Variants in BCKDHB observed in about 807,000 individuals in gnomAD.
The protein encoded by BCKDHB is 2-oxoisovalerate dehydrogenase subunit beta, mitochondrial.
In BCKDHB, 41 loss-of-function variants were observed where a neutral mutation model predicts 48.5. The ratio of observed to expected loss-of-function variants is 0.85; its 90% CI spans 0.66 to 1.10. BCKDHB has a LOEUF of 1.10. Among genes scored for constraint, BCKDHB ranks in the 50% least tolerant of loss-of-function variants. The pLI is 0.00. For synonymous variants in BCKDHB, 201 were observed against 174.8 expected, an observed-to-expected ratio of 1.15 and a Z score of -1.18; for missense variants, 496 against 494.2, an observed-to-expected ratio of 1.00 and a Z score of -0.03.
At chr6:80,354,046 T>A in the BCKDHB span, among the ~76,000 whole-genome samples, 919 of 152,218 alleles carry the variant, frequency 6.0e-3, 10 homozygotes, top group African/African-American at 0.021. Context: ...TTTTTTGTAT[T>A]TGTTGAATTG....
intron 9 of BCKDHB, among the ~76,000 whole-genome samples, chr6:80,283,864 G>A (rs1766494281): frequency 6.6e-6 from 1 of 152,056 alleles, no homozygotes; most frequent in Admixed American, 6.6e-5. Context: ...ATACATGAAA[G>A]ACAGCAGATA....
intron 8 of BCKDHB, among the ~76,000 whole-genome samples, chr6:80,247,619 A>C (rs537582138): frequency 3.9e-5 from 6 of 152,322 alleles, no homozygotes; most frequent in Admixed American, 6.5e-5. Flanking sequence ...TAAAACAGGC[A>C]TAACAATTCA....
chr6:80,164,511 A>AATATTTCC (rs1772478690), intron 3 of BCKDHB, among the ~76,000 whole-genome samples: 1 of 152,132 alleles, frequency 6.6e-6, no homozygotes, highest in African/African-American at 2.4e-5. Context: ...TAACAAACTA[A>AATATTTCC]ATATTTCCTT....
intron 9 of BCKDHB, among the ~76,000 whole-genome samples, chr6:80,340,092 A>G (rs532908580): frequency 6.6e-6 from 1 of 152,350 alleles, no homozygotes; most frequent in African/African-American, 2.4e-5. Flanking sequence ...CTGGTTTATT[A>G]TTAACATAAT....
At chr6:80,188,090 A>G (rs535018051) in intron 6 of BCKDHB, among the ~76,000 whole-genome samples, 3 of 152,348 alleles carry the variant, frequency 2.0e-5, no homozygotes, top group Non-Finnish European at 4.4e-5. Context: ...ATGCCCATCA[A>G]TGATAGACTG....
At chr6:80,287,197 G>A (rs537165656) in intron 9 of BCKDHB, among the ~76,000 whole-genome samples, 1 of 152,248 alleles carries the variant, frequency 6.6e-6, no homozygotes, top group South Asian at 2.1e-4. Flanking sequence ...AGCTGGTAAT[G>A]GAATAATGAT....
At chr6:80,137,808 G>A (rs1324226020) in intron 3 of BCKDHB, among the ~76,000 whole-genome samples, 1 of 152,072 alleles carries the variant, frequency 6.6e-6, no homozygotes, top group Non-Finnish European at 1.5e-5. Context: ...AGCTGGCTGG[G>A]CATGATGGCT....
At chr6:80,115,270 C>T (rs1320589356) in intron 1 of BCKDHB, among the ~76,000 whole-genome samples, 7 of 152,152 alleles carry the variant, frequency 4.6e-5, no homozygotes, top group Non-Finnish European at 8.8e-5. Context: ...GCCTCAGCCT[C>T]TTGAGTAGTT....
the BCKDHB span, among the ~76,000 whole-genome samples, chr6:80,351,895 C>T: frequency 6.6e-6 from 1 of 150,622 alleles, no homozygotes; most frequent in Non-Finnish European, 1.5e-5. Context: ...GATCTCAGCT[C>T]ACCACAACCT....
At chr6:80,220,814 A>C (rs1011345705) in intron 8 of BCKDHB, among the ~76,000 whole-genome samples, 8 of 147,506 alleles carry the variant, frequency 5.4e-5, no homozygotes, top group African/African-American at 1.8e-4. Context: ...TACTCACTGC[A>C]ATCTCCACCT....
chr6:80,408,112 CAT>C, the BCKDHB span, among the ~76,000 whole-genome samples: 5 of 152,052 alleles, frequency 3.3e-5, no homozygotes, highest in African/African-American at 1.2e-4. Context: ...TTGAGATAAT[CAT>C]GTGGTTTTTG....
intron 9 of BCKDHB, among the ~76,000 whole-genome samples, chr6:80,324,696 C>T (rs114239163): frequency 0.01 from 1,550 of 152,238 alleles, 24 homozygotes; most frequent in African/African-American, 0.035. Flanking sequence ...TCTCTTCTCT[C>T]CCCAGCCCCT....
chr6:80,212,221 C>T (rs1774969438), intron 8 of BCKDHB, among the ~76,000 whole-genome samples: 1 of 152,092 alleles, frequency 6.6e-6, no homozygotes, highest in African/African-American at 2.4e-5. Flanking sequence ...TTTTCCCCAC[C>T]CTGATAAGCC....
At chr6:80,300,363 T>C (rs1473735633) in intron 9 of BCKDHB, among the ~76,000 whole-genome samples, 2 of 152,178 alleles carry the variant, frequency 1.3e-5, no homozygotes, top group Non-Finnish European at 2.9e-5. Context: ...GGAGCCACTA[T>C]TCTTATATCA....
At chr6:80,233,756 T>A (rs1040762359) in intron 8 of BCKDHB, among the ~76,000 whole-genome samples, 1 of 152,224 alleles carries the variant, frequency 6.6e-6, no homozygotes, top group South Asian at 2.1e-4. Flanking sequence ...ATCATCTACA[T>A]ACATCAGGTT....
the BCKDHB span, among the ~76,000 whole-genome samples, chr6:80,391,079 G>T: frequency 6.6e-6 from 1 of 152,110 alleles, no homozygotes; most frequent in Non-Finnish European, 1.5e-5. Flanking sequence ...TCTTGCTCAA[G>T]TTTGCCAACA....
intron 9 of BCKDHB, among the ~76,000 whole-genome samples, chr6:80,301,669 C>T (rs1205085461): frequency 2.0e-5 from 3 of 152,120 alleles, no homozygotes; most frequent in Non-Finnish European, 4.4e-5. Context: ...ACAGCATCAG[C>T]CTGATACCAA....
In BCKDHB at chr6:80,169,863, G is replaced by A. The variant is rs9443736; in HGVS notation, c.633+833G>A. 1.9e-4 allele frequency: 305 copies of A among 1,606,714 alleles called. 1 individual carries two copies. The African/African-American group carries it at 3.5e-3, about 18-fold the overall frequency. ...AGTAGATGTTGCCTGATTTTTGAAT[G>A]TGAGCTAGAAGTTGTAGACTGGGAA... is the stretch of plus-strand genomic sequence containing the variant. On this transcript the variant is annotated intron_variant, in intron 5 of 9. Transcript: ENST00000320393.
At chr6:80,238,479 TAAC>T (rs1776237482) in intron 8 of BCKDHB, among the ~76,000 whole-genome samples, 2 of 152,288 alleles carry the variant, frequency 1.3e-5, no homozygotes, top group South Asian at 4.1e-4. Context: ...GTTGAGCAAA[TAAC>T]AACTCGTGAA....
Sources: allele counts gnomAD v4.1 joint callset (sites outside exome capture counted in the v4.1 genomes callset), GRCh38; gene constraint gnomAD v4.1.1; transcripts MANE v1.5; gene names NCBI Gene and HGNC (gene_info 2026-07-23, HGNC 2026-07-21).